The following STAB2 variants were observed in gnomAD, a reference collection of about 807,000 sequenced individuals.
The protein encoded by STAB2 is stabilin-2.
Under a neutral mutation model 338.1 loss-of-function variants are expected in STAB2, and 288 were observed. The ratio of observed to expected loss-of-function variants is 0.85; its 90% confidence interval spans 0.77 to 0.94. STAB2 has a LOEUF of 0.94. Among genes scored for constraint, STAB2 ranks in the 40% least tolerant of loss-of-function variants. The pLI is 0.00. For missense variants in STAB2, 3,141 were observed against 3,210.1 expected (o/e 0.98, Z 0.52); for synonymous variants, 1,202 against 1,193.3 (o/e 1.01, Z -0.15).
intron 36 of STAB2, 115 bp from the exon 37 acceptor site, chr12:103,705,517 C>T: frequency 1.3e-6 from 1 of 792,614 alleles, no homozygotes; most frequent in Non-Finnish European, 2.1e-6. Context: ...ACCACCTTCT[C>T]TTCCCACAAC....
intron 9 of STAB2, among the ~76,000 whole-genome samples, chr12:103,644,778 T>C (rs147080599): frequency 6.6e-6 from 1 of 152,166 alleles, no homozygotes; most frequent in Non-Finnish European, 1.5e-5. Context: ...CAACAATTTA[T>C]CGTACATTTT....
intron 10 of STAB2, among the ~76,000 whole-genome samples, chr12:103,650,244 G>A (rs1303542591): frequency 6.6e-6 from 1 of 151,922 alleles, no homozygotes; most frequent in Non-Finnish European, 1.5e-5. Flanking sequence ...CTCAGCCAGG[G>A]TATCTTTGAA....
chr12:103,596,618 A>T (rs1390770858), intron 3 of STAB2, among the ~76,000 whole-genome samples: 1 of 152,236 alleles, frequency 6.6e-6, no homozygotes, highest in Admixed American at 6.5e-5. Flanking sequence ...ACTCAAAGTC[A>T]AAATAGACCT....
chr12:103,711,517 G>C lies in STAB2; in HGVS notation c.4334+1G>C. 1 of 1,614,128 alleles carries C rather than the reference G, an allele frequency of 6.2e-7. No homozygotes were observed. The highest frequency in any genetic ancestry group is 8.5e-7 in the Non-Finnish European group (1 of 1,180,022). ...ATGGGACATGCCATACCAGCGCCAA[G>C]TAGGTAGCCCTGGGCCACCTCTGGG... is the stretch of plus-strand genomic sequence containing the variant. On this transcript the variant is annotated splice_donor_variant, in intron 40 of 68. Transcript: ENST00000388887. LOFTEE classifies it high-confidence loss of function.
chr12:103,728,019 C>A (rs1881347441), intron 47 of STAB2, among the ~76,000 whole-genome samples: 1 of 152,132 alleles, frequency 6.6e-6, no homozygotes, highest in Non-Finnish European at 1.5e-5. Flanking sequence ...TTTTGGACAC[C>A]AGCAAAGCAG....
chr12:103,692,860 A>T lies in STAB2; in HGVS notation c.3346A>T (p.Thr1116Ser), dbSNP rs1169250631. The stretch of plus-strand genomic sequence containing the variant: ...CATTGTCGATGGGGACAACGCAGCC[A>T]CAAATGGAGTGATACACATCATCAA... ...ASIVDGDNAA[T>S]NGVIHIINKV... The change falls in exon 31 of 69, where the codon ACA (threonine) becomes TCA (serine). Residue 1116 changes from threonine to serine, a missense_variant. Physicochemically the swap from Thr to Ser is moderately conservative, Grantham distance 58. Transcript: ENST00000388887. 6.2e-7 allele frequency: 1 copy of T among 1,613,764 alleles called. No individual in the cohort carries two copies. The highest frequency in any genetic ancestry group is 2.2e-5 in the East Asian group (1 of 44,888).
rs756510093 is a variant in STAB2 at position 103,669,527 on chromosome 12, A to AT, written c.2173-10dup. On this transcript the variant is annotated splice_polypyrimidine_tract_variant and intron_variant, in intron 20 of 68. Transcript: ENST00000388887. ...CTTGGGGGTTCAAAGGGGAACACGCATTTTGTTTTTCAGATTCCAAAGTGC... is the reference window on the plus strand; with the variant it reads ...CTTGGGGGTTCAAAGGGGAACACGCATTTTTGTTTTTCAGATTCCAAAGTGC... 1 of 1,613,160 alleles carries AT rather than the reference A, an allele frequency of 6.2e-7. No individual in the cohort carries two copies. Among genetic ancestry groups the AT allele is most frequent in the Non-Finnish European group, 8.5e-7 (1 of 1,179,108 alleles).
At chr12:103,609,842 A>G in intron 3 of STAB2, among the ~76,000 whole-genome samples, 1 of 152,092 alleles carries the variant, frequency 6.6e-6, no homozygotes. Context: ...AATAGCTCTT[A>G]TTATTTTGAG....
At chr12:103,755,806 C>A in intron 63 of STAB2, 88 bp downstream of exon 63, 2 of 1,256,306 alleles carry the variant, frequency 1.6e-6, no homozygotes, top group African/African-American at 1.5e-5. Context: ...AAGCTGAAGG[C>A]CACAGTCACA....
intron 3 of STAB2, among the ~76,000 whole-genome samples, chr12:103,600,613 A>G (rs543732819): frequency 1.4e-4 from 21 of 152,354 alleles, no homozygotes; most frequent in African/African-American, 5.1e-4. Flanking sequence ...GAATTTAGGG[A>G]GACACAAACA....
At chr12:103,666,466 A>G (rs1875114232) in intron 19 of STAB2, 113 bp downstream of exon 19, 1 of 1,110,258 alleles carries the variant, frequency 9.0e-7, no homozygotes, top group Non-Finnish European at 1.3e-6. Flanking sequence ...CTGGGGTAAT[A>G]TAAGATGGGC....
At chr12:103,739,330 T>A in intron 53 of STAB2, 82 bp from the exon 54 acceptor site, 1 of 1,317,894 alleles carries the variant, frequency 7.6e-7, no homozygotes, top group Non-Finnish European at 1.0e-6. Context: ...AAGCCCTTAA[T>A]CCATCCAGGT....
At chr12:103,589,045 C>A (rs575108545) in intron 1 of STAB2, among the ~76,000 whole-genome samples, 1 of 152,294 alleles carries the variant, frequency 6.6e-6, no homozygotes, top group East Asian at 1.9e-4. Flanking sequence ...CACTGCAACA[C>A]CCCTCACCTC....
chr12:103,735,376 A>G (rs1304401607), intron 51 of STAB2, 115 bp from the exon 52 acceptor site: 3 of 596,612 alleles, frequency 5.0e-6, no homozygotes, highest in Non-Finnish European at 8.6e-6. Context: ...AGCTAAAGTT[A>G]TTATAACTCG....
In STAB2 at chr12:103,650,604, C is replaced by CA. The variant is rs770599665; in HGVS notation, c.1257+28dup. On this transcript the variant is annotated intron_variant, in intron 11 of 68. Coordinates refer to ENST00000388887, the MANE Select transcript of STAB2 (RefSeq NM_017564.10). Reference sequence around the variant, plus strand: ...GTGAGTATTTAAAATGACCCTACACCAAGGGGCTAATATGAAAAGCCTTAG... The same window carrying CA: ...GTGAGTATTTAAAATGACCCTACACCAAAGGGGCTAATATGAAAAGCCTTAG... 1.4e-5 allele frequency: 22 copies of CA among 1,592,140 alleles called. No individual in the cohort carries two copies. The East Asian group carries it at 3.6e-4, about 26-fold the overall frequency.
At chr12:103,684,847 A>G (rs1047184830) in intron 26 of STAB2, 142 bp from the exon 27 acceptor site, 14 of 600,856 alleles carry the variant, frequency 2.3e-5, no homozygotes, top group Non-Finnish European at 4.1e-5. Flanking sequence ...CTGCAACACT[A>G]AAGGGTCTAT....
At chr12:103,617,478 T>A (rs1957228694) in intron 3 of STAB2, among the ~76,000 whole-genome samples, 1 of 152,238 alleles carries the variant, frequency 6.6e-6, no homozygotes, top group Non-Finnish European at 1.5e-5. Flanking sequence ...GAAGACAGTA[T>A]GGTCCCCACA....
rs1956787586 is a variant in STAB2, at chr12:103,590,930, A to G, written c.115A>G (p.Ile39Val). 2 of 1,614,136 alleles carry G rather than the reference A, an allele frequency of 1.2e-6. No individual in the cohort carries two copies. Among genetic ancestry groups the G allele is most frequent in the Non-Finnish European group, 1.7e-6 (2 of 1,180,014 alleles). ...ATGTGATAGGAAGTCTCTTCTTACA[A>G]TTAGGACCGAGTGCCGATCCTGCGC... ...RRCDRKSLLTIRTECRSCALN... is the reference protein window; with the variant it reads ...RRCDRKSLLTVRTECRSCALN... Residue 39 changes from isoleucine to valine, a missense_variant, in exon 2 of 69, where the codon ATT (isoleucine) becomes GTT (valine). By Grantham distance (29) the Ile-to-Val change is conservative (BLOSUM62 3). Transcript: ENST00000388887.
At chr12:103,591,211 G>T (rs1300999977) in intron 2 of STAB2, among the ~76,000 whole-genome samples, 181 bp downstream of exon 2, 1 of 152,152 alleles carries the variant, frequency 6.6e-6, no homozygotes, top group Non-Finnish European at 1.5e-5. Flanking sequence ...TTGGCCAGGT[G>T]TGGTGGTTCA....
Sources: gnomAD v4.1 joint callset for allele counts (sites outside exome capture counted in the v4.1 genomes callset) on GRCh38, gnomAD v4.1.1 for gene constraint, MANE v1.5 for transcripts, NCBI Gene and HGNC (gene_info 2026-07-23, HGNC 2026-07-21) for gene names.